Variants in SLFN12L observed in about 807,000 individuals in gnomAD.
SLFN12L encodes the protein schlafen family member 12 like, also known as schlafen family member 12-like.
A neutral mutation model predicts 34.8 loss-of-function variants in SLFN12L; 34 were observed. The ratio of observed to expected loss-of-function variants is 0.98; its 90% confidence interval spans 0.74 to 1.30. The LOEUF (loss-of-function observed/expected upper bound fraction) is 1.30, where lower values mean the gene tolerates loss of function less well. SLFN12L is among the 50% of genes most tolerant of loss of function. The probability of loss-of-function intolerance (pLI) is 0.00; values close to 1 mark genes in which losing one functional copy is unlikely to be tolerated. For synonymous variants in SLFN12L, 259 were observed against 247.5 expected (o/e 1.05, Z -0.44); for missense variants, 703 against 696.2 (o/e 1.01, Z -0.11).
At chr17:35,497,233 A>T (rs1031720210) in intron 2 of SLFN12L, among the ~76,000 whole-genome samples, 1 of 152,118 alleles carries the variant, frequency 6.6e-6, no homozygotes, top group Non-Finnish European at 1.5e-5. Flanking sequence ...TGTACCAAAA[A>T]TACAAACATT....
intron 2 of SLFN12L, chr17:35,491,231 A>G: frequency 2.7e-6 from 3 of 1,097,756 alleles, no homozygotes; most frequent in South Asian, 1.6e-5. Context: ...GAAGACTTCA[A>G]GTGTAGTTGA....
chr17:35,509,390 G>T lies in SLFN12L; in HGVS notation c.86+12889C>A, dbSNP rs1567676618. 2.0e-5 allele frequency among the ~76,000 whole-genome samples: 3 copies of T among 152,294 alleles called. No individual in the cohort carries two copies. In the East Asian group the frequency reaches 5.8e-4, roughly 29 times the overall value. ...GTACTGCAGATGCTCGCCAGCCTCT[G>T]CCTTTTTTAAGAATAAACTTTTTTT... is the stretch of plus-strand genomic sequence containing the variant. On this transcript the variant is annotated intron_variant, in intron 2 of 4. Transcript: ENST00000628453.
At chr17:35,476,513 GGAAGGAAA>G (rs1367809369) in intron 4 of SLFN12L, among the ~76,000 whole-genome samples, 9 of 128,874 alleles carry the variant, frequency 7.0e-5, no homozygotes, top group Middle Eastern at 4.0e-3. Context: ...AAGGAAGGAA[GGAAGGAAA>G]GAAGGAAGGA....
In SLFN12L at chr17:35,530,461, A is replaced by G. The variant is rs1285663681; in HGVS notation, c.-606+7112T>C. Among the ~76,000 whole-genome samples, 10 of 61,254 alleles carry G rather than the reference A, an allele frequency of 1.6e-4. 1 individual carries two copies. The highest frequency in any genetic ancestry group is 4.4e-4 in the African/African-American group (9 of 20,546). 40.2% of individuals were successfully genotyped at this position (61,254 alleles called of 152,430 possible). A position where few individuals can be genotyped will look rare whatever the true frequency, so the allele number is the denominator to read the frequency against. ...GAAGGGAAGAAAGAAAGAAAGAAAG[A>G]AAGAAAGAAAGAAAGAAAGAAAGAA... On this transcript the variant is annotated intron_variant, in intron 1 of 4. Coordinates refer to ENST00000628453, the MANE Select transcript of SLFN12L (RefSeq NM_001363830.2).
At chr17:35,530,429 GGGAAGGGAAGGGAA>G (rs1280606481) in intron 1 of SLFN12L, among the ~76,000 whole-genome samples, 162 of 8,788 alleles carry the variant, frequency 0.018, 31 homozygotes, top group South Asian at 0.042. Flanking sequence ...AAGGAAGGAA[GGGAAGGGAAGGGAA>G]GAAAGAAAGA....
At chr17:35,526,551 A>C (rs1343345553) in intron 1 of SLFN12L, among the ~76,000 whole-genome samples, 1 of 152,230 alleles carries the variant, frequency 6.6e-6, no homozygotes, top group African/African-American at 2.4e-5. Flanking sequence ...AGGATTAAGA[A>C]ACTCACTCAA....
At chr17:35,531,964 A>G (rs1022551937) in intron 1 of SLFN12L, among the ~76,000 whole-genome samples, 3 of 152,196 alleles carry the variant, frequency 2.0e-5, no homozygotes, top group South Asian at 2.1e-4. Flanking sequence ...CTAAAAGTGC[A>G]AATTATTTTG....
At chr17:35,481,108 G>A (rs1914319040) in intron 2 of SLFN12L, among the ~76,000 whole-genome samples, 6 of 152,240 alleles carry the variant, frequency 3.9e-5, no homozygotes, top group South Asian at 4.1e-4. Context: ...TGTTACGCCC[G>A]GACAGGGCTT....
chr17:35,524,875 G>T (rs1400758019), intron 1 of SLFN12L, among the ~76,000 whole-genome samples: 3 of 152,032 alleles, frequency 2.0e-5, no homozygotes, highest in African/African-American at 7.2e-5. Flanking sequence ...ATTGACAGAC[G>T]TAGGCTTCAT....
chr17:35,487,908 G>T lies in SLFN12L; in HGVS notation c.87-7713C>A, dbSNP rs914466038. On this transcript the variant is annotated intron_variant, in intron 2 of 4. Coordinates refer to ENST00000628453, the MANE Select transcript of SLFN12L (RefSeq NM_001363830.2). ...TTATCGACTCTGCGCCTTTGGAAACGGTGTGTCTGCGAATCCAACGACGGG... is the reference window on the plus strand; with the variant it reads ...TTATCGACTCTGCGCCTTTGGAAACTGTGTGTCTGCGAATCCAACGACGGG... 2.1e-5 allele frequency: 16 copies of T among 760,254 alleles called. No individual in the cohort carries two copies. In the South Asian group the frequency reaches 2.3e-4, roughly 11 times the overall value. The allele number at this position is 760,254 out of a possible 1,614,324, so 47.1% of individuals were successfully genotyped here. A position where few individuals can be genotyped will look rare whatever the true frequency, so the allele number is the denominator to read the frequency against.
chr17:35,469,040 G>T lies in SLFN12L; in HGVS notation c.*5883C>A, dbSNP rs1226831185. Among the ~76,000 whole-genome samples the T allele has an allele frequency of 6.6e-6, 1 of 151,528 alleles. No homozygotes were observed. The highest frequency in any genetic ancestry group is 1.5e-5 in the Non-Finnish European group (1 of 67,888). On this transcript the variant is annotated 3_prime_UTR_variant, in exon 5 of 5. Coordinates refer to ENST00000628453, the MANE Select transcript of SLFN12L (RefSeq NM_001363830.2). ...TCTAAAAAGATAACAAAAATTAATG[G>T]ATAGTATTGCCTTTCTCTGAAGGCT...
At chr17:35,531,011 G>C (rs1567695212) in intron 1 of SLFN12L, among the ~76,000 whole-genome samples, 1 of 152,020 alleles carries the variant, frequency 6.6e-6, no homozygotes, top group Non-Finnish European at 1.5e-5. Context: ...AAAATCCATA[G>C]CCCCAAATGC....
At chr17:35,510,937 T>C (rs1482933821) in intron 2 of SLFN12L, among the ~76,000 whole-genome samples, 5 of 152,090 alleles carry the variant, frequency 3.3e-5, no homozygotes, top group African/African-American at 9.7e-5. Context: ...GCACTGACCA[T>C]AGTTCTAGTC....
intron 2 of SLFN12L, among the ~76,000 whole-genome samples, chr17:35,485,081 CTTCT>C (rs1341659735): frequency 2.0e-5 from 3 of 152,140 alleles, no homozygotes; most frequent in African/African-American, 2.4e-5. Flanking sequence ...AGTAATGTCT[CTTCT>C]TTCTTTTTTG....
chr17:35,536,732 T>A (rs890813530), intron 1 of SLFN12L, among the ~76,000 whole-genome samples: 3 of 150,952 alleles, frequency 2.0e-5, no homozygotes, highest in African/African-American at 7.3e-5. Flanking sequence ...CACTTGAGCC[T>A]AGGGAGGTTG....
chr17:35,486,667 C>A (rs1029925241), intron 2 of SLFN12L, among the ~76,000 whole-genome samples: 2 of 152,206 alleles, frequency 1.3e-5, no homozygotes, highest in East Asian at 3.8e-4. Context: ...TCACTGGCCT[C>A]CCTTAAACCT....
rs1007915244 is a variant in SLFN12L, at chr17:35,466,594, A to G, written c.*8329T>C. ...TTCATCCTTTTTGGGTTTTCATGGC[A>G]AAATATTCTTCACTTACAAATTTTA... On this transcript the variant is annotated 3_prime_UTR_variant, in exon 5 of 5. Transcript: ENST00000628453. Among the ~76,000 whole-genome samples the G allele has an allele frequency of 1.3e-5, 2 of 152,184 alleles. No individual in the cohort carries two copies. The highest frequency in any genetic ancestry group is 4.8e-5 in the African/African-American group (2 of 41,426).
intron 2 of SLFN12L, chr17:35,498,088 C>A (rs969539680): frequency 1.3e-5 from 7 of 531,158 alleles, no homozygotes; most frequent in Non-Finnish European, 2.0e-5. Context: ...GGCGGCGGGG[C>A]GCGGGGCTCC....
Position 35,529,157 on chromosome 17 carries a change from G to A in SLFN12L, c.-605-6188C>T, listed in dbSNP as rs1436691825. 1.1e-4 allele frequency among the ~76,000 whole-genome samples: 16 copies of A among 152,192 alleles called. No homozygotes were observed. The South Asian group carries it at 2.3e-3, about 22-fold the overall frequency. ...AAACCACAATGAGATACCATCTCAT[G>A]CCAGTTAGAATGGCGATCATTAAAA... On this transcript the variant is annotated intron_variant, in intron 1 of 4. Coordinates refer to ENST00000628453, the MANE Select transcript of SLFN12L (RefSeq NM_001363830.2).
Sources: allele counts gnomAD v4.1 joint callset (sites outside exome capture counted in the v4.1 genomes callset), GRCh38; gene constraint gnomAD v4.1.1; transcripts MANE v1.5; gene names NCBI Gene and HGNC (gene_info 2026-07-23, HGNC 2026-07-21).